SPECC1: variants seen among roughly 807,000 people sequenced by gnomAD.
SPECC1 encodes the protein cytospin-B.
Under a neutral mutation model 104.1 loss-of-function variants are expected in SPECC1, and 62 were observed. The observed-to-expected ratio is 0.60, with a 90% CI of 0.49 to 0.74. The LOEUF (loss-of-function observed/expected upper bound fraction) is 0.74. Ranked by LOEUF, SPECC1 falls within the 30% of genes least tolerant of loss-of-function variation. The pLI is 0.00. For missense variants in SPECC1, 1,306 were observed against 1,310.5 expected (o/e 1.00, Z 0.05); for synonymous variants, 513 against 501.6 (o/e 1.02, Z -0.30).
At chr17:20,129,746 GTTT>G (rs1555611899) in intron 3 of SPECC1, among the ~76,000 whole-genome samples, 1 of 135,428 alleles carries the variant, frequency 7.4e-6, no homozygotes, top group Admixed American at 7.5e-5. Flanking sequence ...TGTTGTTGTT[GTTT>G]TGTTTGTTTG....
At chr17:20,110,366 T>C (rs1476210833) in intron 2 of SPECC1, 61 bp from the exon 3 acceptor site, 8 of 1,541,730 alleles carry the variant, frequency 5.2e-6, no homozygotes, top group South Asian at 1.2e-5. Context: ...TCTGCTTGTT[T>C]ATAGCGCTCC....
intron 13 of SPECC1, among the ~76,000 whole-genome samples, chr17:20,297,792 G>A (rs1430827492): frequency 6.6e-6 from 1 of 152,170 alleles, no homozygotes; most frequent in East Asian, 1.9e-4. Flanking sequence ...AGCATACTTT[G>A]GAAAATACTG....
intron 1 of SPECC1, among the ~76,000 whole-genome samples, chr17:20,041,714 C>T (rs1368136517): frequency 2.8e-5 from 4 of 142,316 alleles, no homozygotes; most frequent in African/African-American, 1.0e-4. Context: ...TGCTCCTCTT[C>T]CCAGGTTCAT....
chr17:20,255,939 G>C (rs952036226), intron 10 of SPECC1, among the ~76,000 whole-genome samples: 1 of 151,616 alleles, frequency 6.6e-6, no homozygotes, highest in Admixed American at 6.6e-5. Flanking sequence ...GTGCAGTGGC[G>C]TGAGCTCGGC....
intron 7 of SPECC1, among the ~76,000 whole-genome samples, chr17:20,233,159 T>C (rs1487997811): frequency 1.1e-4 from 17 of 152,388 alleles, no homozygotes; most frequent in Admixed American, 1.1e-3. Context: ...ATCAGTGTCC[T>C]TAACTTTGAG....
intron 1 of SPECC1, among the ~76,000 whole-genome samples, chr17:20,055,181 G>A (rs1342295351): frequency 6.6e-6 from 1 of 151,874 alleles, no homozygotes; most frequent in Non-Finnish European, 1.5e-5. Context: ...GAGTCGTGCA[G>A]TATTTGTCTT....
chr17:20,013,892 T>A lies in SPECC1; in HGVS notation c.-22+4468T>A, dbSNP rs371640414. Among the ~76,000 whole-genome samples, 11 of 152,240 alleles carry A rather than the reference T, an allele frequency of 7.2e-5. No homozygotes were observed. In the South Asian group the frequency reaches 2.3e-3, roughly 32 times the overall value. ...TGACTTTGATTGGCAGTTGGTTGTT[T>A]GCATTTTTGGACTATTATGAATAGT... On this transcript the variant is annotated intron_variant, in intron 1 of 14. Coordinates refer to ENST00000395527, the MANE Select transcript of SPECC1 (RefSeq NM_001243439.2).
chr17:20,310,937 G>A (rs2041912551), intron 14 of SPECC1, among the ~76,000 whole-genome samples: 1 of 152,134 alleles, frequency 6.6e-6, no homozygotes, highest in Admixed American at 6.5e-5. Flanking sequence ...TGGAGGTCCT[G>A]CAAGGTGGAT....
chr17:20,137,944 C>T (rs768102877), intron 3 of SPECC1, among the ~76,000 whole-genome samples: 1 of 151,454 alleles, frequency 6.6e-6, no homozygotes, highest in Non-Finnish European at 1.5e-5. Flanking sequence ...GGATTACAGG[C>T]GTGAGCCACC....
chr17:20,313,870 G>C, intron 14 of SPECC1, 106 bp from the exon 15 acceptor site: 4 of 994,496 alleles, frequency 4.0e-6, no homozygotes, highest in Non-Finnish European at 6.2e-6. Context: ...TGTGTAAGTG[G>C]AGGGTTTCCA....
intron 12 of SPECC1, among the ~76,000 whole-genome samples, chr17:20,262,892 C>T (rs1331785159): frequency 6.6e-6 from 1 of 152,028 alleles, no homozygotes; most frequent in African/African-American, 2.4e-5. Context: ...GAAAAAGAAT[C>T]GCAGCACTTT....
chr17:20,156,271 C>A, intron 3 of SPECC1: 1 of 1,291,404 alleles, frequency 7.7e-7, no homozygotes, highest in Non-Finnish European at 9.8e-7. Flanking sequence ...GCCGCAGCCG[C>A]AACCCCACCC....
chr17:20,079,969 C>T (rs950127813), intron 1 of SPECC1, among the ~76,000 whole-genome samples: 1 of 152,314 alleles, frequency 6.6e-6, no homozygotes, highest in African/African-American at 2.4e-5. Flanking sequence ...GCCATGTCTT[C>T]ATTCCTTTCA....
chr17:20,250,820 C>G (rs1447778974), intron 9 of SPECC1, among the ~76,000 whole-genome samples: 2 of 152,112 alleles, frequency 1.3e-5, no homozygotes, highest in Admixed American at 6.5e-5. Context: ...CTTGGAAAAC[C>G]TTATTCAGAG....
chr17:20,277,064 A>C (rs568079875), intron 12 of SPECC1, among the ~76,000 whole-genome samples: 10 of 152,356 alleles, frequency 6.6e-5, no homozygotes, highest in South Asian at 6.2e-4. Flanking sequence ...TCGGGCTCGG[A>C]TAGCAGCCTG....
chr17:20,018,817 GC>G (rs1306246262), intron 1 of SPECC1, among the ~76,000 whole-genome samples: 1 of 152,184 alleles, frequency 6.6e-6, no homozygotes, highest in Non-Finnish European at 1.5e-5. Flanking sequence ...CTGTGACAAC[GC>G]ATGTGAAATG....
At chr17:20,243,815 A>G (rs1020796389) in intron 7 of SPECC1, among the ~76,000 whole-genome samples, 1 of 152,232 alleles carries the variant, frequency 6.6e-6, no homozygotes. Context: ...AGCAGAATGT[A>G]GGCGTCTCCA....
chr17:20,049,711 C>G (rs1163579036), intron 1 of SPECC1, among the ~76,000 whole-genome samples: 1 of 152,116 alleles, frequency 6.6e-6, no homozygotes, highest in Non-Finnish European at 1.5e-5. Context: ...TTTATAACTT[C>G]AGGGTTTTTA....
intron 4 of SPECC1, among the ~76,000 whole-genome samples, chr17:20,214,247 C>T (rs1163570111): frequency 2.6e-5 from 4 of 152,174 alleles, no homozygotes; most frequent in African/African-American, 4.8e-5. Context: ...CAAATATTTC[C>T]TCTCATTCTG....
Sources: allele counts gnomAD v4.1 joint callset (sites outside exome capture counted in the v4.1 genomes callset), GRCh38; gene constraint gnomAD v4.1.1; transcripts MANE v1.5; gene names NCBI Gene and HGNC (gene_info 2026-07-23, HGNC 2026-07-21).